The following WDR37 variants were observed in gnomAD, a reference collection of about 807,000 sequenced individuals.
WDR37 encodes the protein WD repeat domain 37.
In WDR37, 19 loss-of-function variants were observed where a neutral mutation model predicts 62.9. The observed-to-expected ratio is 0.30, with a 90% CI of 0.21 to 0.44. The LOEUF is 0.44. WDR37 is among the 20% of genes least tolerant of loss of function. WDR37 has a pLI of 1.00. For synonymous variants in WDR37, 250 were observed against 260.9 expected, an observed-to-expected ratio of 0.96 and a Z score of 0.40; for missense variants, 474 against 657.6, an observed-to-expected ratio of 0.72 and a Z score of 3.05.
intron 3 of WDR37, among the ~76,000 whole-genome samples, chr10:1,078,944 G>A (rs561193365): frequency 6.6e-6 from 1 of 152,312 alleles, no homozygotes; most frequent in South Asian, 2.1e-4. Flanking sequence ...CTGTAACTAA[G>A]TGGTGTGGTT....
chr10:1,109,612 G>T (rs897350870), intron 11 of WDR37, among the ~76,000 whole-genome samples: 4 of 152,228 alleles, frequency 2.6e-5, no homozygotes, highest in African/African-American at 9.6e-5. Flanking sequence ...TTGGGAGGCT[G>T]AGGCAGGAGA....
chr10:1,080,501 C>G, intron 5 of WDR37, 25 bp downstream of exon 5: 1 of 1,613,252 alleles, frequency 6.2e-7, no homozygotes, highest in Non-Finnish European at 8.5e-7. Context: ...GGCTCTTGAG[C>G]CATCATGTGG....
intron 9 of WDR37, among the ~76,000 whole-genome samples, chr10:1,099,153 G>C (rs1427496885): frequency 3.3e-5 from 5 of 152,194 alleles, no homozygotes; most frequent in Non-Finnish European, 7.3e-5. Flanking sequence ...TTTGCCTTGT[G>C]CTCTCTGCAG....
chr10:1,082,845 C>T (rs924144800), intron 5 of WDR37, among the ~76,000 whole-genome samples: 5 of 152,042 alleles, frequency 3.3e-5, no homozygotes, highest in African/African-American at 4.8e-5. Context: ...CTGTTCTTAC[C>T]CTGCGAATGG....
intron 13 of WDR37, among the ~76,000 whole-genome samples, chr10:1,126,430 G>A (rs1480441910): frequency 1.3e-5 from 2 of 151,686 alleles, no homozygotes; most frequent in Non-Finnish European, 2.9e-5. Context: ...GAAACTCCCC[G>A]TGGTCGAGGC....
chr10:1,091,516 A>G (rs1264958907), intron 7 of WDR37, among the ~76,000 whole-genome samples: 1 of 152,214 alleles, frequency 6.6e-6, no homozygotes, highest in Non-Finnish European at 1.5e-5. Context: ...CATTTTGTTA[A>G]GGAGATAACC....
rs547032105 is a variant in WDR37 at position 1,120,726 on chromosome 10, C to T, written c.1104-3492C>T. Among the ~76,000 whole-genome samples the T allele has an allele frequency of 1.8e-4, 28 of 152,304 alleles. No individual in the cohort carries two copies. The South Asian group carries it at 3.9e-3, about 21-fold the overall frequency. On this transcript the variant is annotated intron_variant, in intron 11 of 13. Transcript: ENST00000263150. ...TTTTAAAAATAGGAAAGGAAACGAT[C>T]GTCAGTGTTTGATGTCGTGCCGGAA...
intron 1 of WDR37, among the ~76,000 whole-genome samples, chr10:1,066,693 T>A (rs375892922): frequency 2.0e-3 from 299 of 152,338 alleles, no homozygotes; most frequent in African/African-American, 6.8e-3. Flanking sequence ...TTTTAAGACA[T>A]ACAGAACAAT....
intron 6 of WDR37, among the ~76,000 whole-genome samples, chr10:1,085,175 G>A (rs943016387): frequency 2.0e-5 from 3 of 150,790 alleles, no homozygotes; most frequent in East Asian, 1.9e-4. Flanking sequence ...GGGTTTCACC[G>A]TTTAGCTAGG....
intron 1 of WDR37, among the ~76,000 whole-genome samples, chr10:1,068,283 C>G (rs971185375): frequency 2.0e-5 from 3 of 151,314 alleles, no homozygotes; most frequent in African/African-American, 7.3e-5. Flanking sequence ...AGATGGAGAC[C>G]ATCCTGGTTA....
chr10:1,078,065 A>G, intron 3 of WDR37, 62 bp downstream of exon 3: 2 of 1,275,392 alleles, frequency 1.6e-6, no homozygotes, highest in African/African-American at 1.5e-5. Flanking sequence ...AAATTTATGA[A>G]TAGACATTCA....
At chr10:1,087,210 C>T (rs987177969) in intron 7 of WDR37, among the ~76,000 whole-genome samples, 3 of 152,048 alleles carry the variant, frequency 2.0e-5, no homozygotes, top group South Asian at 2.1e-4. Flanking sequence ...GCGCCTTTCC[C>T]GTGTTAGACC....
intron 11 of WDR37, among the ~76,000 whole-genome samples, chr10:1,114,993 C>T (rs1283832337): frequency 6.6e-6 from 1 of 152,028 alleles, no homozygotes; most frequent in Non-Finnish European, 1.5e-5. Flanking sequence ...CACCCCAATC[C>T]CGTAGAGTTT....
intron 8 of WDR37, among the ~76,000 whole-genome samples, chr10:1,095,858 G>A (rs1204567947): frequency 6.6e-6 from 1 of 152,148 alleles, no homozygotes; most frequent in Non-Finnish European, 1.5e-5. Flanking sequence ...GGGTTTCTTA[G>A]GTTAGATAGA....
intron 13 of WDR37, among the ~76,000 whole-genome samples, chr10:1,127,402 A>T (rs1835823048): frequency 6.6e-6 from 1 of 152,242 alleles, no homozygotes; most frequent in Admixed American, 6.5e-5. Flanking sequence ...TAGAACTTGT[A>T]ACACCTCTTC....
Position 1,124,267 on chromosome 10 carries a change from A to G in WDR37, c.1153A>G (p.Ser385Gly). ...CGTGGGAGACAACGTGGTTTCAGGCAGCGATGACCGCACGGTGAAAGTCTG... is the reference window on the plus strand; with the variant it reads ...CGTGGGAGACAACGTGGTTTCAGGCGGCGATGACCGCACGGTGAAAGTCTG... ...FTVGDNVVSG[S>G]DDRTVKVWDL... Residue 385 changes from serine to glycine, a missense_variant, in exon 12 of 14, where the codon AGC becomes GGC. Coordinates refer to ENST00000263150, the MANE Select transcript of WDR37 (RefSeq NM_014023.4). 1 of 1,614,224 alleles carries G rather than the reference A, an allele frequency of 6.2e-7. No individual in the cohort carries two copies. The highest frequency in any genetic ancestry group is 8.5e-7 in the Non-Finnish European group (1 of 1,180,046).
chr10:1,090,123 C>T (rs764449585), intron 7 of WDR37, among the ~76,000 whole-genome samples: 4 of 152,150 alleles, frequency 2.6e-5, no homozygotes, highest in South Asian at 2.1e-4. Flanking sequence ...CCCGCCACCA[C>T]GCCTGGCTAA....
intron 9 of WDR37, among the ~76,000 whole-genome samples, chr10:1,097,528 C>T (rs961343803): frequency 2.0e-5 from 3 of 152,224 alleles, no homozygotes; most frequent in Non-Finnish European, 2.9e-5. Context: ...GGCTGCAGCT[C>T]TCACTGCAGT....
At chr10:1,125,161 T>G in intron 13 of WDR37, 137 bp downstream of exon 13, 2 of 1,396,886 alleles carry the variant, frequency 1.4e-6, no homozygotes, top group Non-Finnish European at 1.9e-6. Flanking sequence ...TTAGAGTTCA[T>G]AAAATTTAAA....
Sources: allele counts gnomAD v4.1 joint callset (sites outside exome capture counted in the v4.1 genomes callset), GRCh38; gene constraint gnomAD v4.1.1; transcripts MANE v1.5; gene names NCBI Gene and HGNC (gene_info 2026-07-23, HGNC 2026-07-21).